HSD17B2: variants seen among roughly 807,000 people sequenced by gnomAD.
The protein encoded by HSD17B2 is hydroxysteroid 17-beta dehydrogenase 2.
Under a neutral mutation model 26.9 loss-of-function variants are expected in HSD17B2, and 32 were observed. The ratio of observed to expected loss-of-function variants is 1.19; its 90% CI spans 0.90 to 1.60. The LOEUF is 1.60. Among genes scored for constraint, HSD17B2 ranks in the 40% most tolerant of loss-of-function variants. The pLI is 0.00. For missense variants in HSD17B2, 613 were observed against 468.6 expected (o/e 1.31, Z -2.85); for synonymous variants, 246 against 186.7 (o/e 1.32, Z -2.59).
At chr16:82,043,501 G>C (rs987476101) in intron 1 of HSD17B2, among the ~76,000 whole-genome samples, 16 of 143,210 alleles carry the variant, frequency 1.1e-4, no homozygotes, top group Non-Finnish European at 2.1e-4. Context: ...TGGCTAACAC[G>C]GTGAAACCCC....
At chr16:82,071,195 T>C (rs1342292892) in intron 3 of HSD17B2, 68 bp downstream of exon 3, 3 of 1,488,424 alleles carry the variant, frequency 2.0e-6, no homozygotes, top group African/African-American at 2.8e-5. Flanking sequence ...GCATTCTATG[T>C]GGGCGAACAA....
rs749070736 is a variant in HSD17B2, at chr16:82,090,932, A to G, written c.695A>G (p.Tyr232Cys). ...GCCCCAATGGAAAGGCTGGCATCTTATGGCTCATCAAAGGCGGCTGTGACC... is the reference window on the plus strand; with the variant it reads ...GCCCCAATGGAAAGGCTGGCATCTTGTGGCTCATCAAAGGCGGCTGTGACC... ...GGAPMERLAS[Y>C]GSSKAAVTMF... Residue 232 changes from tyrosine to cysteine, a missense_variant, in exon 4 of 5, where the codon TAT becomes TGT. By Grantham distance (194) the Tyr-to-Cys change is radical (BLOSUM62 -2). Coordinates refer to ENST00000199936, the MANE Select transcript of HSD17B2 (RefSeq NM_002153.3). 1 of 1,613,924 alleles carries G rather than the reference A, an allele frequency of 6.2e-7. No individual in the cohort carries two copies. Among genetic ancestry groups the G allele is most frequent in the Admixed American group, 1.7e-5 (1 of 60,000 alleles).
chr16:82,060,644 T>G (rs1487656333), intron 1 of HSD17B2, among the ~76,000 whole-genome samples: 1 of 152,256 alleles, frequency 6.6e-6, no homozygotes, highest in Non-Finnish European at 1.5e-5. Flanking sequence ...ATAGCAGATC[T>G]TCAATTTGTG....
intron 1 of HSD17B2, among the ~76,000 whole-genome samples, chr16:82,067,270 A>C (rs1914593222): frequency 6.6e-6 from 1 of 152,262 alleles, no homozygotes; most frequent in South Asian, 2.1e-4. Context: ...TGACACAGGC[A>C]ATGTGAAATA....
chr16:82,069,766 C>G, intron 2 of HSD17B2, among the ~76,000 whole-genome samples: 1 of 152,018 alleles, frequency 6.6e-6, no homozygotes, highest in East Asian at 1.9e-4. Flanking sequence ...CTTGGCAGAC[C>G]CAATGCAAAA....
chr16:82,050,252 G>C (rs1317230056), intron 1 of HSD17B2, among the ~76,000 whole-genome samples: 5 of 151,892 alleles, frequency 3.3e-5, no homozygotes, highest in Admixed American at 3.3e-4. Flanking sequence ...CCCCATCTTG[G>C]TGAGCTGCAC....
intron 3 of HSD17B2, among the ~76,000 whole-genome samples, chr16:82,077,776 G>A (rs1259366139): frequency 2.0e-5 from 3 of 150,200 alleles, no homozygotes; most frequent in Admixed American, 6.7e-5. Context: ...AGAAAGAAAG[G>A]AAGGAAGGAA....
At chr16:82,051,680 C>T (rs1228700206) in intron 1 of HSD17B2, among the ~76,000 whole-genome samples, 1 of 152,134 alleles carries the variant, frequency 6.6e-6, no homozygotes, top group African/African-American at 2.4e-5. Context: ...GCCACACATA[C>T]AGCTATGTAA....
chr16:82,035,786 T>G lies in HSD17B2; in HGVS notation c.265+97T>G, dbSNP rs1597116428. On this transcript the variant is annotated intron_variant, in intron 1 of 4. Coordinates refer to ENST00000199936, the MANE Select transcript of HSD17B2 (RefSeq NM_002153.3). Reference sequence around the variant, plus strand: ...CAAATCTGGCTTAAAAATAAAATACTTGGCATGGAGTAAATGAAAGCCCTC... The same window carrying G: ...CAAATCTGGCTTAAAAATAAAATACGTGGCATGGAGTAAATGAAAGCCCTC... 7.6e-6 allele frequency: 10 copies of G among 1,309,272 alleles called. No individual in the cohort carries two copies. The East Asian group carries it at 2.3e-4, about 30-fold the overall frequency. 81.1% of individuals were successfully genotyped at this position (1,309,272 alleles called of 1,614,324 possible). A position where few individuals can be genotyped will look rare whatever the true frequency, so the allele number is the denominator to read the frequency against.
intron 1 of HSD17B2, among the ~76,000 whole-genome samples, chr16:82,050,990 T>G (rs1914090100): frequency 2.0e-5 from 3 of 152,226 alleles, no homozygotes. Context: ...AAATGCCTCA[T>G]GAGGACAAAA....
intron 3 of HSD17B2, among the ~76,000 whole-genome samples, chr16:82,089,508 G>T (rs575211211): frequency 6.6e-6 from 1 of 152,284 alleles, no homozygotes; most frequent in East Asian, 1.9e-4. Flanking sequence ...TCTTCCTGCT[G>T]AAGACCACCA....
chr16:82,093,082 G>C (rs528083089), intron 4 of HSD17B2: 2 of 152,008 alleles, frequency 1.3e-5, no homozygotes, highest in African/African-American at 4.8e-5. Context: ...TTTTAAAATC[G>C]AGAAATATAT....
chr16:82,083,188 T>A (rs1198704669), intron 3 of HSD17B2, among the ~76,000 whole-genome samples: 2 of 151,902 alleles, frequency 1.3e-5, no homozygotes, highest in Non-Finnish European at 2.9e-5. Context: ...GTTCCAGGAG[T>A]GGGATGGGGA....
intron 1 of HSD17B2, among the ~76,000 whole-genome samples, chr16:82,036,411 A>C (rs8191057): frequency 0.022 from 3,275 of 150,732 alleles, 46 homozygotes; most frequent in Non-Finnish European, 0.032. Flanking sequence ...TGAGTTGTAA[A>C]ATTTTTGCTT....
intron 1 of HSD17B2, among the ~76,000 whole-genome samples, chr16:82,036,059 G>T (rs1012033928): frequency 2.0e-5 from 3 of 152,054 alleles, no homozygotes; most frequent in Non-Finnish European, 2.9e-5. Flanking sequence ...GTTTGGCCAG[G>T]TTCTCCACCT....
chr16:82,094,278 G>C (rs1375012826), intron 4 of HSD17B2: 1 of 152,194 alleles, frequency 6.6e-6, no homozygotes, highest in Non-Finnish European at 1.5e-5. Context: ...AGAATGACTA[G>C]ATCATAGAGT....
At chr16:82,067,259 A>G (rs1398989527) in intron 1 of HSD17B2, among the ~76,000 whole-genome samples, 1 of 152,246 alleles carries the variant, frequency 6.6e-6, no homozygotes, top group Non-Finnish European at 1.5e-5. Context: ...GGAAGATCAC[A>G]TGACACAGGC....
intron 1 of HSD17B2, among the ~76,000 whole-genome samples, chr16:82,039,840 G>A (rs1293548547): frequency 2.6e-5 from 4 of 152,114 alleles, no homozygotes; most frequent in Non-Finnish European, 2.9e-5. Flanking sequence ...GGGAAGACAC[G>A]GCCACACCCA....
At chr16:82,049,910 A>G (rs1308055768) in intron 1 of HSD17B2, among the ~76,000 whole-genome samples, 5 of 152,232 alleles carry the variant, frequency 3.3e-5, no homozygotes, top group African/African-American at 1.2e-4. Flanking sequence ...AGCTTCTTGA[A>G]TCCGGTGGAT....
Sources: allele counts gnomAD v4.1 joint callset (sites outside exome capture counted in the v4.1 genomes callset), GRCh38; gene constraint gnomAD v4.1.1; transcripts MANE v1.5; gene names NCBI Gene and HGNC (gene_info 2026-07-23, HGNC 2026-07-21).